Variants in SYBU observed in about 807,000 individuals in gnomAD.
The protein encoded by SYBU is syntabulin.
SYBU carries 21 observed loss-of-function variants against 35.9 expected under a neutral mutation model. The ratio of observed to expected loss-of-function variants is 0.58; its 90% CI spans 0.41 to 0.84. The LOEUF (loss-of-function observed/expected upper bound fraction) is 0.84. Ranked by LOEUF, SYBU falls within the 40% of genes least tolerant of loss-of-function variation. The pLI is 0.00. For missense variants in SYBU, 768 were observed against 848.2 expected, an observed-to-expected ratio of 0.91 and a Z score of 1.17; for synonymous variants, 319 against 324.3, an observed-to-expected ratio of 0.98 and a Z score of 0.18.
In SYBU at chr8:109,579,865, G is replaced by A. The variant is rs764699023; in HGVS notation, c.668C>T (p.Ala223Val). The A allele has an allele frequency of 6.2e-7, 1 of 1,614,022 alleles. No individual in the cohort carries two copies. The highest frequency in any genetic ancestry group is 8.5e-7 in the Non-Finnish European group (1 of 1,179,962). ...LSPVNIHPSYAPSSPSSSNSG... is the reference protein window; with the variant it reads ...LSPVNIHPSYVPSSPSSSNSG... ...GTTGCTACTGCTTGGGGAAGAAGGTGCATAACTGGGATGGATATTGACAGG... is the reference window on the plus strand; with the variant it reads ...GTTGCTACTGCTTGGGGAAGAAGGTACATAACTGGGATGGATATTGACAGG... Residue 223 changes from alanine to valine, a missense_variant, in exon 5 of 7, where the codon GCA (alanine) becomes GTA (valine). Physicochemically the swap from Ala to Val is moderately conservative, Grantham distance 64 (BLOSUM62 0). Transcript: ENST00000276646.
intron 5 of SYBU, 113 bp from the exon 6 acceptor site, chr8:109,578,130 G>C (rs1822571646): frequency 8.2e-7 from 1 of 1,212,592 alleles, no homozygotes; most frequent in Admixed American, 2.4e-5. Context: ...GAATTCATAT[G>C]TTGAACTTCT....
chr8:109,644,428 A>G (rs56888322), intron 1 of SYBU, among the ~76,000 whole-genome samples: 6,326 of 152,096 alleles, frequency 0.042, 441 homozygotes, highest in African/African-American at 0.14. Flanking sequence ...GTCATTCTCC[A>G]AAATCTATTC....
At chr8:109,632,488 T>G (rs1813742819) in intron 2 of SYBU, among the ~76,000 whole-genome samples, 1 of 152,110 alleles carries the variant, frequency 6.6e-6, no homozygotes, top group Non-Finnish European at 1.5e-5. Context: ...AATCTGAACA[T>G]GGTAATGGTC....
Position 109,644,620 on chromosome 8 carries a change from G to A in SYBU, c.24+16C>T. 1.3e-6 allele frequency: 2 copies of A among 1,544,030 alleles called. No homozygotes were observed. Among genetic ancestry groups the A allele is most frequent in the Non-Finnish European group, 1.7e-6 (2 of 1,151,264 alleles). The stretch of plus-strand genomic sequence containing the variant: ...TTCCCCGCCCTCCAGTGCCCGCACT[G>A]CCCCGCGCTCCTTACCTTGCTCTCG... On this transcript the variant is annotated intron_variant, in intron 1 of 6. Transcript: ENST00000276646.
At chr8:109,646,188 A>G (rs866464832), upstream of SYBU, 2 of 150,812 alleles carry the variant, frequency 1.3e-5, no homozygotes, top group African/African-American at 4.9e-5. Context: ...AATGACTTAT[A>G]TACCCTTTAT....
At chr8:109,668,383 T>TA (rs1283065635) in intron 1 of SYBU, among the ~76,000 whole-genome samples, 4 of 152,178 alleles carry the variant, frequency 2.6e-5, no homozygotes, top group East Asian at 1.9e-4. Flanking sequence ...TCTGGTATTT[T>TA]AAAAAAATTG....
intron 3 of SYBU, among the ~76,000 whole-genome samples, chr8:109,612,923 T>C (rs1176750728): frequency 7.0e-6 from 1 of 142,858 alleles, no homozygotes; most frequent in Non-Finnish European, 1.5e-5. Flanking sequence ...GAGGTTGCAG[T>C]GAGCTGAGAC....
intron 3 of SYBU, among the ~76,000 whole-genome samples, chr8:109,610,367 A>C (rs1811038808): frequency 6.6e-6 from 1 of 152,240 alleles, no homozygotes. Context: ...GAATGAATGA[A>C]AGCTAGTAAA....
intron 1 of SYBU, among the ~76,000 whole-genome samples, chr8:109,653,212 T>C (rs1030660935): frequency 4.6e-5 from 7 of 151,926 alleles, no homozygotes; most frequent in African/African-American, 1.7e-4. Flanking sequence ...ATACTAATCT[T>C]TATATTTTTG....
chr8:109,576,042 T>TA (rs71305959), intron 6 of SYBU, 29 bp from the exon 7 acceptor site: 57,985 of 832,166 alleles, frequency 0.07, 820 homozygotes, highest in Non-Finnish European at 0.076. Context: ...CATGGTTAAT[T>TA]AAAAAAAAAA....
At chr8:109,623,892 T>C (rs575182771) in intron 2 of SYBU, among the ~76,000 whole-genome samples, 3 of 152,304 alleles carry the variant, frequency 2.0e-5, no homozygotes, top group East Asian at 1.9e-4. Flanking sequence ...AGACATACTA[T>C]TCTCCTATAA....
At chr8:109,582,389 A>T (rs1315176459) in intron 4 of SYBU, among the ~76,000 whole-genome samples, 1 of 152,216 alleles carries the variant, frequency 6.6e-6, no homozygotes, top group Non-Finnish European at 1.5e-5. Flanking sequence ...CAAAGGAGAC[A>T]CTGAGATTCC....
chr8:109,678,434 C>CT (rs10717299), intron 1 of SYBU, among the ~76,000 whole-genome samples: 2,985 of 58,078 alleles, frequency 0.051, 200 homozygotes, highest in African/African-American at 0.15. Context: ...TTCAAATAAC[C>CT]TTTTTTTTTT....
intron 3 of SYBU, chr8:109,603,242 C>T (rs1825733173): frequency 5.2e-6 from 1 of 190,694 alleles, no homozygotes. Context: ...GAAAATTATT[C>T]TAACTCTCAA....
At chr8:109,622,228 CT>C (rs1347262280) in intron 2 of SYBU, among the ~76,000 whole-genome samples, 4 of 138,558 alleles carry the variant, frequency 2.9e-5, no homozygotes, top group South Asian at 2.3e-4. Flanking sequence ...TATCTATCAT[CT>C]ATCTATCTAT....
rs1264222335 is a variant in SYBU at position 109,598,389 on chromosome 8, T to A, written c.428-12227A>T. Reference sequence around the variant, plus strand: ...AACAGCTGTGGTTAAGAGCAGGTGCTAGCATCAGCAGATTCAGGGCTCAAA... The same window carrying A: ...AACAGCTGTGGTTAAGAGCAGGTGCAAGCATCAGCAGATTCAGGGCTCAAA... On this transcript the variant is annotated intron_variant, in intron 3 of 6. Coordinates refer to ENST00000276646, the MANE Select transcript of SYBU (RefSeq NM_001099754.2). Among the ~76,000 whole-genome samples, 3 of 152,244 alleles carry A rather than the reference T, an allele frequency of 2.0e-5. No homozygotes were observed. In the East Asian group the frequency reaches 5.8e-4, roughly 29 times the overall value.
intron 1 of SYBU, among the ~76,000 whole-genome samples, chr8:109,662,949 CAT>C (rs1464880533): frequency 6.6e-6 from 1 of 152,070 alleles, no homozygotes; most frequent in Non-Finnish European, 1.5e-5. Context: ...ACACAGTAAA[CAT>C]ATTGTAGATG....
intron 1 of SYBU, among the ~76,000 whole-genome samples, chr8:109,650,648 C>A (rs550462974): frequency 1.3e-5 from 2 of 152,296 alleles, no homozygotes; most frequent in African/African-American, 2.4e-5. Context: ...TAAAGCTAGC[C>A]TTTGCTGTGT....
At chr8:109,675,266 A>C (rs1168947680) in intron 1 of SYBU, among the ~76,000 whole-genome samples, 1 of 152,344 alleles carries the variant, frequency 6.6e-6, no homozygotes. Flanking sequence ...AAAAGCTAGC[A>C]GAAGACAAGA....
Sources: allele counts gnomAD v4.1 joint callset (sites outside exome capture counted in the v4.1 genomes callset), GRCh38; gene constraint gnomAD v4.1.1; transcripts MANE v1.5; gene names NCBI Gene and HGNC (gene_info 2026-07-23, HGNC 2026-07-21).